SLC8A2: variants seen among roughly 807,000 people sequenced by gnomAD.
SLC8A2 encodes the protein solute carrier family 8 member A2, also known as sodium/calcium exchanger 2.
Under a neutral mutation model 70.2 loss-of-function variants are expected in SLC8A2, and 14 were observed. That is an observed-to-expected ratio of 0.20 (90% CI 0.13 to 0.31). The LOEUF (loss-of-function observed/expected upper bound fraction) is 0.31. Ranked by LOEUF, SLC8A2 falls within the 10% of genes least tolerant of loss-of-function variation. The pLI is 1.00. For missense variants in SLC8A2, 779 were observed against 1,320.1 expected (o/e 0.59, Z 6.35); for synonymous variants, 575 against 594.3 (o/e 0.97, Z 0.47).
At chr19:47,463,835 CG>C (rs1967426816) in intron 2 of SLC8A2, among the ~76,000 whole-genome samples, 2 of 152,248 alleles carry the variant, frequency 1.3e-5, no homozygotes, top group South Asian at 4.1e-4. Flanking sequence ...TCTTTCCACA[CG>C]GAACAATTCA....
intron 6 of SLC8A2, 65 bp from the exon 7 acceptor site, chr19:47,438,038 T>A: frequency 6.3e-7 from 1 of 1,594,862 alleles, no homozygotes. Context: ...GTGACGCCTT[T>A]ACTACCTGTC....
rs746587243 is a variant in SLC8A2, at chr19:47,432,243, G to A, written c.2313C>T (p.Ser771=). The change falls in exon 9 of 10, where the codon TCC becomes TCT. Residue 771 remains serine, a synonymous_variant. Transcript: ENST00000236877. The surrounding 1 kb of genome is among the most constrained non-coding windows in gnomAD (Gnocchi z 6.2). ...LLTALIGDLA[S]HFGCTVGLKD... Reference sequence around the variant, plus strand: ...TGAGGCCAACGGTGCAGCCGAAGTGGGAGGCGAGGTCCCCAATGAGGGCGG... The same window carrying A: ...TGAGGCCAACGGTGCAGCCGAAGTGAGAGGCGAGGTCCCCAATGAGGGCGG... The A allele has an allele frequency of 2.7e-5, 44 of 1,613,962 alleles. 2 individuals carry two copies. The highest frequency in any genetic ancestry group is 1.2e-5 in the Non-Finnish European group (14 of 1,179,994).
chr19:47,452,463 T>A (rs1967256128), intron 3 of SLC8A2, among the ~76,000 whole-genome samples: 2 of 140,022 alleles, frequency 1.4e-5, no homozygotes, highest in Non-Finnish European at 3.0e-5. Context: ...TGTGTGTGTG[T>A]GTGTGTGTGT....
At chr19:47,463,773 G>A (rs142179969) in intron 2 of SLC8A2, among the ~76,000 whole-genome samples, 40 of 152,176 alleles carry the variant, frequency 2.6e-4, no homozygotes, top group African/African-American at 9.4e-4. Context: ...GCATAGGGGA[G>A]TTTGTTAATG....
chr19:47,432,107 G>C lies in SLC8A2; in HGVS notation c.2389+60C>G. 6.8e-7 allele frequency: 1 copy of C among 1,480,278 alleles called. No individual in the cohort carries two copies. Among genetic ancestry groups the C allele is most frequent in the Non-Finnish European group, 9.2e-7 (1 of 1,086,756 alleles). The allele number at this position is 1,480,278 out of a possible 1,614,324, so 91.7% of individuals were successfully genotyped here. A position where few individuals can be genotyped will look rare whatever the true frequency, so the allele number is the denominator to read the frequency against. On this transcript the variant is annotated intron_variant, in intron 9 of 9. Transcript: ENST00000236877. The surrounding 1 kb of genome is among the most constrained non-coding windows in gnomAD (Gnocchi z 6.2). ...ACCCACCTCATTTTGGCAGGATCCT[G>C]TGTTGCCCCTGCCTGGCTCATCTGA...
At chr19:47,439,425 G>A (rs547614263) in intron 6 of SLC8A2, among the ~76,000 whole-genome samples, 26 of 151,994 alleles carry the variant, frequency 1.7e-4, no homozygotes, top group Admixed American at 4.6e-4. Context: ...CCAGCTACTC[G>A]GGAGGCTGAG....
At position 47,430,730 on chromosome 19, in the gene SLC8A2, C is replaced by CTT. The variant is rs921128818; in HGVS notation, c.2390-267_2390-266dup. Among the ~76,000 whole-genome samples the CTT allele has an allele frequency of 1.3e-5, 2 of 151,814 alleles. No individual in the cohort carries two copies. Among genetic ancestry groups the CTT allele is most frequent in the Admixed American group, 1.3e-4 (2 of 15,226 alleles). ...TTCTATGGGACTCACTGCGTGATTT[C>CTT]TTTTTTTTTCCTCCGAGACGGAGTT... is the stretch of plus-strand genomic sequence containing the variant. On this transcript the variant is annotated intron_variant, in intron 9 of 9. Coordinates refer to ENST00000236877, the MANE Select transcript of SLC8A2 (RefSeq NM_015063.3). This position sits in a 1 kb window ranked among gnomAD's most constrained non-coding sequence, Gnocchi z 5.9.
At position 47,447,842 on chromosome 19, in the gene SLC8A2, C is replaced by T. The variant is rs1246218376; in HGVS notation, c.1730G>A (p.Cys577Tyr). The change falls in exon 4 of 10, where the codon TGC (cysteine) becomes TAC (tyrosine). Residue 577 changes from cysteine to tyrosine, a missense_variant. This residue lies in a region of SLC8A2 where 247 missense variants were observed against 362.8 expected (regional missense o/e 0.68). Transcript: ENST00000236877. This position sits in a 1 kb window ranked among gnomAD's most constrained non-coding sequence, Gnocchi z 5.1. ...RGGGVHYEDACGELEFGDDET... is the reference protein window; with the variant it reads ...RGGGVHYEDAYGELEFGDDET... ...GTCGTCGCCAAACTCCAGCTCTCCG[C>T]ACGCGTCCTCGTAGTGCACGCCGCC... is the stretch of plus-strand genomic sequence containing the variant. 2.5e-6 allele frequency: 4 copies of T among 1,595,098 alleles called. No homozygotes were observed. Among genetic ancestry groups the T allele is most frequent in the Non-Finnish European group, 3.4e-6 (4 of 1,176,306 alleles).
At chr19:47,442,158 G>A (rs1466145704) in intron 4 of SLC8A2, among the ~76,000 whole-genome samples, 2 of 152,064 alleles carry the variant, frequency 1.3e-5, no homozygotes, top group Non-Finnish European at 2.9e-5. Flanking sequence ...GGTTGAGACA[G>A]GATTTGAACT....
chr19:47,460,034 T>C (rs1221577523), intron 2 of SLC8A2, among the ~76,000 whole-genome samples: 1 of 152,008 alleles, frequency 6.6e-6, no homozygotes, highest in Non-Finnish European at 1.5e-5. Flanking sequence ...GCTCCATTTC[T>C]CCCCCATCAC....
intron 3 of SLC8A2, among the ~76,000 whole-genome samples, chr19:47,450,260 C>T (rs138662451): frequency 2.4e-4 from 36 of 152,230 alleles, no homozygotes; most frequent in African/African-American, 8.2e-4. Flanking sequence ...CGGTGGCTCA[C>T]GCCTGTAATA....
At chr19:47,450,003 G>C (rs1468500014) in intron 3 of SLC8A2, among the ~76,000 whole-genome samples, 2 of 152,120 alleles carry the variant, frequency 1.3e-5, no homozygotes, top group Non-Finnish European at 2.9e-5. Context: ...GCCGGGGAGG[G>C]AACAAGGCAG....
rs991060506 is a variant in SLC8A2 at position 47,447,791 on chromosome 19, C to T, written c.1763+18G>A. The T allele has an allele frequency of 1.3e-6, 2 of 1,569,910 alleles. No individual in the cohort carries two copies. The highest frequency in any genetic ancestry group is 1.2e-5 in the South Asian group (1 of 86,954). On this transcript the variant is annotated intron_variant, in intron 4 of 9. Coordinates refer to ENST00000236877, the MANE Select transcript of SLC8A2 (RefSeq NM_015063.3). This position sits in a 1 kb window ranked among gnomAD's most constrained non-coding sequence, Gnocchi z 5.1. ...TCCGAAGCCCCGCCCCTCTCCGGGC[C>T]GCCTCGGGCGTGCTCACATGGTCTC...
chr19:47,452,445 A>AGAGAGAGAGT (rs1568444583), intron 3 of SLC8A2, among the ~76,000 whole-genome samples: 10 of 54,100 alleles, frequency 1.8e-4, no homozygotes, highest in Admixed American at 1.1e-3. Context: ...AGAGAGAGAG[A>AGAGAGAGAGT]GTGTGTGTGT....
At chr19:47,440,172 C>A (rs1765878741) in intron 6 of SLC8A2, among the ~76,000 whole-genome samples, 1 of 152,108 alleles carries the variant, frequency 6.6e-6, no homozygotes, top group Admixed American at 6.5e-5. Context: ...CTGACCTTGG[C>A]CCCAATTCTA....
chr19:47,441,437 T>C lies in SLC8A2; in HGVS notation c.1767A>G (p.Lys589=), dbSNP rs767276901. The C allele has an allele frequency of 1.0e-4, 164 of 1,605,254 alleles. 3 individuals carry two copies. In the South Asian group the frequency reaches 1.8e-3, roughly 17 times the overall value. The change falls in exon 5 of 10, where the codon AAA becomes AAG. Residue 589 remains lysine, a synonymous_variant. Coordinates refer to ENST00000236877, the MANE Select transcript of SLC8A2 (RefSeq NM_015063.3). Reference sequence around the variant, plus strand: ...CATCAACTATCTTCACCTGAAGAGTTTTCCTGTGCAGGGGGTAAGGGGGAG... The same window carrying C: ...CATCAACTATCTTCACCTGAAGAGTCTTCCTGTGCAGGGGGTAAGGGGGAG... ...ELEFGDDETM[K]TLQVKIVDDE...
At chr19:47,460,427 G>C (rs997199051) in intron 2 of SLC8A2, among the ~76,000 whole-genome samples, 2 of 152,196 alleles carry the variant, frequency 1.3e-5, no homozygotes, top group Admixed American at 6.5e-5. Flanking sequence ...GCCAAGCGTG[G>C]TGGCTCACGC....
intron 6 of SLC8A2, among the ~76,000 whole-genome samples, chr19:47,439,691 T>G (rs1264878201): frequency 6.7e-6 from 1 of 148,320 alleles, no homozygotes; most frequent in Admixed American, 6.7e-5. Context: ...TGAGATGGAG[T>G]CTCGCTCTGT....
intron 1 of SLC8A2, among the ~76,000 whole-genome samples, 157 bp downstream of exon 1, chr19:47,471,632 C>T (rs1482790534): frequency 6.6e-6 from 1 of 152,000 alleles, no homozygotes. Context: ...CACTCCCACC[C>T]CACAGAAGGT....
Sources: gnomAD v4.1 joint callset for allele counts (sites outside exome capture counted in the v4.1 genomes callset) on GRCh38, gnomAD v4.1.1 for gene constraint, gnomAD v4.1.1 regional missense constraint, Gnocchi (gnomAD v3.1) non-coding constraint, MANE v1.5 for transcripts, NCBI Gene and HGNC (gene_info 2026-07-23, HGNC 2026-07-21) for gene names.